Variants in CA11 observed in about 807,000 individuals in gnomAD.
CA11 encodes the protein carbonic anhydrase-related protein 11.
In CA11, 20 loss-of-function variants were observed where a neutral mutation model predicts 39.3. The observed-to-expected ratio is 0.51, with a 90% CI of 0.36 to 0.74. The LOEUF (loss-of-function observed/expected upper bound fraction) is 0.74, where lower values mean the gene tolerates loss of function less well. Ranked by LOEUF, CA11 falls within the 30% of genes least tolerant of loss-of-function variation. CA11 has a pLI of 0.00. For missense variants in CA11, 336 were observed against 424.6 expected (o/e 0.79, Z 1.83); for synonymous variants, 166 against 172.5 (o/e 0.96, Z 0.29).
chr19:48,638,474 T>C (rs2030932090), intron 8 of CA11: 1 of 489,766 alleles, frequency 2.0e-6, no homozygotes, highest in Non-Finnish European at 2.9e-6. Flanking sequence ...GAAGGGGTTG[T>C]ACCTTGTAGA....
chr19:48,640,992 T>G (rs566773138), intron 3 of CA11, among the ~76,000 whole-genome samples: 2 of 149,696 alleles, frequency 1.3e-5, no homozygotes, highest in African/African-American at 2.5e-5. Flanking sequence ...TTGTTTTTTT[T>G]TTTTTTAAAT....
chr19:48,640,366 TC>T (rs1203930247), intron 3 of CA11, 86 bp from the exon 4 acceptor site: 127 of 647,972 alleles, frequency 2.0e-4, no homozygotes, highest in Admixed American at 2.6e-4. Context: ...ATTCCAACAG[TC>T]TTTTTTTTTT....
At chr19:48,641,823 CTTTTTT>C (rs71179023) in intron 3 of CA11, among the ~76,000 whole-genome samples, 27 of 92,290 alleles carry the variant, frequency 2.9e-4, no homozygotes, top group African/African-American at 6.8e-4. Context: ...TTTCAATTTT[CTTTTTT>C]TTTTTTTTTT....
At position 48,645,548 on chromosome 19, in the gene CA11, GGGAACCCCA is replaced by G. The variant is rs776340994; in HGVS notation, c.67+9_67+17del. 6.2e-6 allele frequency: 10 copies of G among 1,600,332 alleles called. No homozygotes were observed. The Admixed American group carries it at 1.2e-4, about 19-fold the overall frequency. ...CCACCCTCCCTCGGGGGCTCCTCCC[GGGAACCCCA>G]GGTCTTACCTGCTGCCCCCAGTGCA... is the stretch of plus-strand genomic sequence containing the variant. On this transcript the variant is annotated intron_variant, in intron 1 of 8. Transcript: ENST00000084798.
chr19:48,638,417 G>A lies in CA11; in HGVS notation c.962-273C>T, dbSNP rs1278861152. On this transcript the variant is annotated intron_variant, in intron 8 of 8. Coordinates refer to ENST00000084798, the MANE Select transcript of CA11 (RefSeq NM_001217.5). ...GACTGTACCATGTTGCGAAGCCGGG[G>A]GTGTGTGAGATTCCTGGGCTAAACC... is the stretch of plus-strand genomic sequence containing the variant. The A allele has an allele frequency of 7.7e-6, 8 of 1,037,056 alleles. No individual in the cohort carries two copies. The South Asian group carries it at 1.2e-4, about 15-fold the overall frequency. 64.2% of individuals were successfully genotyped at this position (1,037,056 alleles called of 1,614,324 possible).
rs1568441887 is a variant in CA11, at chr19:48,638,145, C to G, written c.962-1G>C. ...CAGCGACCATGGGGGACACCATCCA[C>G]TGTAAGACAGAGAACAACGGCAGGG... On this transcript the variant is annotated splice_acceptor_variant, in intron 8 of 8. Coordinates refer to ENST00000084798, the MANE Select transcript of CA11 (RefSeq NM_001217.5). LOFTEE classifies it high-confidence loss of function. The G allele has an allele frequency of 2.3e-5, 29 of 1,274,902 alleles. No individual in the cohort carries two copies. The highest frequency in any genetic ancestry group is 2.7e-5 in the Non-Finnish European group (27 of 986,196). 79.0% of individuals were successfully genotyped at this position (1,274,902 alleles called of 1,614,324 possible).
chr19:48,641,668 A>G (rs944437418), intron 3 of CA11, among the ~76,000 whole-genome samples: 1 of 151,934 alleles, frequency 6.6e-6, no homozygotes, highest in Non-Finnish European at 1.5e-5. Flanking sequence ...ATTTTGAGAC[A>G]AAGTCTCATT....
intron 8 of CA11, among the ~76,000 whole-genome samples, chr19:48,638,612 G>C (rs187629128): frequency 2.0e-5 from 3 of 152,202 alleles, no homozygotes; most frequent in East Asian, 1.9e-4. Context: ...AGAACAGTAG[G>C]TAATTGGACC....
Position 48,646,011 on chromosome 19 carries a change from G to C in CA11, c.-379C>G. 1 of 400,760 alleles carries C rather than the reference G, an allele frequency of 2.5e-6. No homozygotes were observed. Among genetic ancestry groups the C allele is most frequent in the Non-Finnish European group, 4.4e-6 (1 of 227,542 alleles). 24.8% of individuals were successfully genotyped at this position (400,760 alleles called of 1,614,324 possible). ...GCTCTCCCAAGCCACCTAACTCCAG[G>C]TCTCCATCCCGCATCTCCTCCTCCT... On this transcript the variant is annotated 5_prime_UTR_variant, in exon 1 of 9. Coordinates refer to ENST00000084798, the MANE Select transcript of CA11 (RefSeq NM_001217.5).
intron 8 of CA11, chr19:48,638,378 G>A (rs866822005): frequency 1.3e-5 from 4 of 317,546 alleles, no homozygotes; most frequent in Non-Finnish European, 1.6e-5. Context: ...TCTTCATGGG[G>A]GGGGGGGGGT....
chr19:48,640,341 C>A, intron 3 of CA11, 61 bp from the exon 4 acceptor site: 1 of 1,167,168 alleles, frequency 8.6e-7, no homozygotes, highest in South Asian at 1.3e-5. Context: ...TCGTTTCCCA[C>A]GCCTACATTT....
In CA11 at chr19:48,638,045, T is replaced by A; in HGVS notation, c.*74A>T. ...GGAAGTATTCTGTCCCTTTAATAGC[T>A]TTGTTTTAGGGGTAACTCCCCTCGC... On this transcript the variant is annotated 3_prime_UTR_variant, in exon 9 of 9. Coordinates refer to ENST00000084798, the MANE Select transcript of CA11 (RefSeq NM_001217.5). The A allele has an allele frequency of 8.8e-7, 1 of 1,133,068 alleles. No individual in the cohort carries two copies. The highest frequency in any genetic ancestry group is 1.2e-6 in the Non-Finnish European group (1 of 826,498). 70.2% of individuals were successfully genotyped at this position (1,133,068 alleles called of 1,614,324 possible). A position where few individuals can be genotyped will look rare whatever the true frequency, so the allele number is the denominator to read the frequency against.
At position 48,643,916 on chromosome 19, in the gene CA11, A is replaced by G. The variant is rs1056074982; in HGVS notation, c.285+511T>C. On this transcript the variant is annotated intron_variant, in intron 3 of 8. Transcript: ENST00000084798. The surrounding 1 kb of genome is among the most constrained non-coding windows in gnomAD (Gnocchi z 4.3). ...CAAGACCAGCCTGACCAAAATGGAG[A>G]AAACCCATCTCTGCTAAAAATACAA... Among the ~76,000 whole-genome samples the G allele has an allele frequency of 2.6e-5, 4 of 152,206 alleles. No individual in the cohort carries two copies. Among genetic ancestry groups the G allele is most frequent in the Admixed American group, 6.5e-5 (1 of 15,278 alleles).
At position 48,643,187 on chromosome 19, in the gene CA11, CTT is replaced by C. The variant is rs1370168332; in HGVS notation, c.285+1238_285+1239del. Among the ~76,000 whole-genome samples the C allele has an allele frequency of 2.0e-5, 3 of 151,980 alleles. No homozygotes were observed. On this transcript the variant is annotated intron_variant, in intron 3 of 8. Transcript: ENST00000084798. This position sits in a 1 kb window ranked among gnomAD's most constrained non-coding sequence, Gnocchi z 4.3. ...TCTCTCTTTCTTTCTCGCTCTCTCTCTTTCTTTTCTCTCCCTCTCTCTCTGTA... is the reference window on the plus strand; with the variant it reads ...TCTCTCTTTCTTTCTCGCTCTCTCTCTCTTTTCTCTCCCTCTCTCTCTGTA...
chr19:48,639,944 T>G (rs1369376979), intron 4 of CA11, 61 bp from the exon 5 acceptor site: 32 of 1,554,094 alleles, frequency 2.1e-5, no homozygotes, highest in Non-Finnish European at 1.7e-5. Context: ...TGACCCCAGC[T>G]TTGGGGGCCC....
In CA11 at chr19:48,638,144, A is replaced by T. The variant is rs2030901025; in HGVS notation, c.962T>A (p.Val321Glu). The change falls in exon 9 of 9, where the codon GTG becomes GAG. Residue 321 changes from valine (V) to glutamate (E), a missense_variant and splice_region_variant. Val to Glu is a moderately radical substitution (Grantham distance 121, BLOSUM62 -2). Coordinates refer to ENST00000084798, the MANE Select transcript of CA11 (RefSeq NM_001217.5). ...RCRGPNYRLHVDGVPHGR is the reference protein window; with the variant it reads ...RCRGPNYRLHEDGVPHGR ...TCAGCGACCATGGGGGACACCATCCACTGTAAGACAGAGAACAACGGCAGG... is the reference window on the plus strand; with the variant it reads ...TCAGCGACCATGGGGGACACCATCCTCTGTAAGACAGAGAACAACGGCAGG... The T allele has an allele frequency of 7.6e-7, 1 of 1,316,528 alleles. No homozygotes were observed. Among genetic ancestry groups the T allele is most frequent in the African/African-American group, 1.7e-5 (1 of 60,230 alleles). 81.6% of individuals were successfully genotyped at this position (1,316,528 alleles called of 1,614,324 possible).
In CA11 at chr19:48,638,023, A is replaced by G. The variant is rs1261971669; in HGVS notation, c.*96T>C. ...GAATCAGACCACTGAGAAAACAGGA[A>G]GTATTCTGTCCCTTTAATAGCTTTG... On this transcript the variant is annotated 3_prime_UTR_variant, in exon 9 of 9. Coordinates refer to ENST00000084798, the MANE Select transcript of CA11 (RefSeq NM_001217.5). 14 of 839,960 alleles carry G rather than the reference A, an allele frequency of 1.7e-5. No individual in the cohort carries two copies. Among genetic ancestry groups the G allele is most frequent in the Non-Finnish European group, 2.3e-5 (13 of 577,398 alleles). 52.0% of individuals were successfully genotyped at this position (839,960 alleles called of 1,614,324 possible).
At chr19:48,642,060 G>C (rs2031104926) in intron 3 of CA11, among the ~76,000 whole-genome samples, 1 of 152,128 alleles carries the variant, frequency 6.6e-6, no homozygotes, top group Non-Finnish European at 1.5e-5. Flanking sequence ...AACAGCAAGT[G>C]CAAAGGCCCT....
At chr19:48,638,776 G>T in intron 8 of CA11, 112 bp downstream of exon 8, 1 of 1,167,794 alleles carries the variant, frequency 8.6e-7, no homozygotes, top group Non-Finnish European at 1.2e-6. Context: ...CACGAGGCTA[G>T]ACCATATAGA....
Sources: allele counts gnomAD v4.1 joint callset (sites outside exome capture counted in the v4.1 genomes callset), GRCh38; gene constraint gnomAD v4.1.1; non-coding constraint Gnocchi (gnomAD v3.1); transcripts MANE v1.5; gene names NCBI Gene and HGNC (gene_info 2026-07-23, HGNC 2026-07-21).